Variants in NCALD observed in about 807,000 individuals in gnomAD.
NCALD encodes neurocalcin-delta.
NCALD carries 10 observed loss-of-function variants against 18.6 expected under a neutral mutation model. The ratio of observed to expected loss-of-function variants is 0.54; its 90% CI spans 0.33 to 0.91. NCALD has a LOEUF of 0.91. Ranked by LOEUF, NCALD falls within the 40% of genes least tolerant of loss-of-function variation. The pLI is 0.03. For synonymous variants in NCALD, 88 were observed against 87.4 expected (o/e 1.01, Z -0.04); for missense variants, 184 against 247.6 (o/e 0.74, Z 1.72).
intron 2 of NCALD, among the ~76,000 whole-genome samples, chr8:101,961,023 T>A (rs1269273543): frequency 2.0e-5 from 3 of 152,142 alleles, no homozygotes; most frequent in Non-Finnish European, 4.4e-5. Context: ...ATCTAAAGGA[T>A]CACATTTTGG....
At chr8:101,766,146 T>C (rs1013965284) in intron 1 of NCALD, among the ~76,000 whole-genome samples, 1 of 152,186 alleles carries the variant, frequency 6.6e-6, no homozygotes, top group Non-Finnish European at 1.5e-5. Context: ...ATTTAGTGTA[T>C]TCACAAAAGT....
chr8:101,985,740 G>A (rs1820783820), intron 2 of NCALD, among the ~76,000 whole-genome samples: 1 of 152,096 alleles, frequency 6.6e-6, no homozygotes. Context: ...CAAACATTTC[G>A]TTTTTCTTCC....
intron 3 of NCALD, among the ~76,000 whole-genome samples, chr8:101,889,838 T>C (rs938212316): frequency 5.9e-5 from 9 of 152,178 alleles, no homozygotes; most frequent in Admixed American, 5.2e-4. Flanking sequence ...GAGCCAAAAG[T>C]AAAGGAGGAA....
intron 1 of NCALD, among the ~76,000 whole-genome samples, chr8:101,745,456 A>C (rs1244450748): frequency 2.0e-5 from 3 of 152,242 alleles, no homozygotes; most frequent in Admixed American, 6.5e-5. Flanking sequence ...AGACAAAATT[A>C]GATGTACTAG....
At chr8:102,119,650 G>A (rs1287290869) in intron 1 of NCALD, among the ~76,000 whole-genome samples, 2 of 152,206 alleles carry the variant, frequency 1.3e-5, no homozygotes. Flanking sequence ...ACAAAGCACT[G>A]TACTGGGGCT....
At chr8:102,078,232 A>T (rs1257206356) in intron 1 of NCALD, among the ~76,000 whole-genome samples, 1 of 151,870 alleles carries the variant, frequency 6.6e-6, no homozygotes, top group Non-Finnish European at 1.5e-5. Flanking sequence ...ATCCTGCAAT[A>T]TCCCTACACA....
intron 2 of NCALD, among the ~76,000 whole-genome samples, chr8:101,936,411 A>T (rs1201975053): frequency 6.6e-6 from 1 of 152,164 alleles, no homozygotes; most frequent in African/African-American, 2.4e-5. Context: ...GAAATGGGGA[A>T]ATGAAGGGAG....
intron 1 of NCALD, among the ~76,000 whole-genome samples, chr8:101,778,887 A>G (rs1811900821): frequency 6.6e-6 from 1 of 152,146 alleles, no homozygotes. Flanking sequence ...GAGGAATAAT[A>G]ATTTAAAAAA....
At chr8:102,070,492 G>A (rs778460639) in intron 1 of NCALD, among the ~76,000 whole-genome samples, 5 of 151,240 alleles carry the variant, frequency 3.3e-5, no homozygotes, top group Non-Finnish European at 5.9e-5. Flanking sequence ...TCTTTCATGG[G>A]GACTGCTCCC....
intron 1 of NCALD, among the ~76,000 whole-genome samples, chr8:102,107,219 T>TATATATATATATATATATAC (rs1825492223): frequency 7.9e-6 from 1 of 127,356 alleles, no homozygotes; most frequent in African/African-American, 3.5e-5. Flanking sequence ...TATATATATA[T>TATATATATATATATATATAC]ATATATATAT....
intron 1 of NCALD, among the ~76,000 whole-genome samples, chr8:102,100,457 T>C (rs1825238652): frequency 1.3e-5 from 2 of 152,214 alleles, no homozygotes; most frequent in South Asian, 4.1e-4. Context: ...CAAAAGTTAA[T>C]TATTTAAGCT....
chr8:101,748,330 C>A (rs73699931), intron 1 of NCALD, among the ~76,000 whole-genome samples: 3,108 of 152,256 alleles, frequency 0.02, 114 homozygotes, highest in East Asian at 0.11. Flanking sequence ...TATTCACAAG[C>A]AAATTGTAGG....
At chr8:101,774,318 A>G (rs1275074902) in intron 1 of NCALD, among the ~76,000 whole-genome samples, 1 of 152,204 alleles carries the variant, frequency 6.6e-6, no homozygotes, top group African/African-American at 2.4e-5. Flanking sequence ...TTCAGCTTAA[A>G]GAAGGCGGAG....
At chr8:101,879,587 C>G (rs375942572) in intron 4 of NCALD, among the ~76,000 whole-genome samples, 4 of 152,166 alleles carry the variant, frequency 2.6e-5, no homozygotes, top group Non-Finnish European at 5.9e-5. Flanking sequence ...CGGGTTACAA[C>G]GGCTAGCTGG....
At chr8:101,856,472 C>T (rs1046989680) in intron 4 of NCALD, among the ~76,000 whole-genome samples, 2 of 152,028 alleles carry the variant, frequency 1.3e-5, no homozygotes, top group Non-Finnish European at 2.9e-5. Context: ...TTCACATGTC[C>T]GAGCCACCAC....
intron 1 of NCALD, among the ~76,000 whole-genome samples, chr8:102,047,353 T>C (rs372626941): frequency 4.6e-5 from 7 of 152,234 alleles, no homozygotes; most frequent in African/African-American, 1.7e-4. Context: ...AAAGACACTC[T>C]TGGCTTATGA....
At chr8:102,031,250 G>T (rs1477367601) in intron 1 of NCALD, among the ~76,000 whole-genome samples, 6 of 152,174 alleles carry the variant, frequency 3.9e-5, no homozygotes, top group Non-Finnish European at 7.3e-5. Flanking sequence ...ACAAGGCTGG[G>T]TTCATCCACA....
intron 1 of NCALD, among the ~76,000 whole-genome samples, chr8:102,050,926 T>C (rs1321683509): frequency 6.8e-6 from 1 of 147,456 alleles, no homozygotes; most frequent in African/African-American, 2.5e-5. Flanking sequence ...ATATAATTTA[T>C]ATATAAATAA....
intron 1 of NCALD, chr8:101,788,812 C>G (rs1276722934): frequency 6.6e-6 from 1 of 152,196 alleles, no homozygotes; most frequent in Non-Finnish European, 1.5e-5. Context: ...GAAGCTGCAA[C>G]AAACATGACC....
Sources: allele counts gnomAD v4.1 joint callset (sites outside exome capture counted in the v4.1 genomes callset), GRCh38; gene constraint gnomAD v4.1.1; transcripts MANE v1.5; gene names NCBI Gene and HGNC (gene_info 2026-07-23, HGNC 2026-07-21).